Variants in CIB4 observed in about 807,000 individuals in gnomAD.
CIB4 encodes calcium and integrin-binding family member 4.
CIB4 carries 25 observed loss-of-function variants against 25.8 expected under a neutral mutation model. The observed-to-expected ratio is 0.97, with a 90% CI of 0.71 to 1.35. CIB4 has a LOEUF of 1.35. Ranked by LOEUF, CIB4 falls within the 40% of genes most tolerant of loss-of-function variation. The probability of loss-of-function intolerance (pLI) is 0.00; values close to 1 mark genes in which losing one functional copy is unlikely to be tolerated. For synonymous variants in CIB4, 75 were observed against 81.4 expected (o/e 0.92, Z 0.42); for missense variants, 235 against 228.2 (o/e 1.03, Z -0.19).
chr2:26,619,224 C>T (rs1558568704), intron 3 of CIB4, among the ~76,000 whole-genome samples: 1 of 152,106 alleles, frequency 6.6e-6, no homozygotes, highest in Non-Finnish European at 1.5e-5. Flanking sequence ...GTGACATTTC[C>T]CAGGAGTCTC....
Position 26,604,610 on chromosome 2 carries a change from T to C in CIB4, c.187-9293A>G, listed in dbSNP as rs139275440. 7.0e-4 allele frequency among the ~76,000 whole-genome samples: 106 copies of C among 152,296 alleles called. 3 individuals are homozygous for C. The East Asian group carries it at 0.02, about 28-fold the overall frequency. ...AATCTGAAGACAAAATACTCTTTTT[T>C]TCCCCCAGACAAACAAAACCTGGGT... On this transcript the variant is annotated intron_variant, in intron 3 of 6. Transcript: ENST00000288861.
intron 3 of CIB4, among the ~76,000 whole-genome samples, chr2:26,624,216 T>C (rs1277058711): frequency 6.6e-6 from 1 of 152,210 alleles, no homozygotes; most frequent in Non-Finnish European, 1.5e-5. Context: ...GTTATATCAG[T>C]ACCCAGAGCT....
At chr2:26,630,668 G>T (rs542476690) in intron 2 of CIB4, among the ~76,000 whole-genome samples, 1 of 152,274 alleles carries the variant, frequency 6.6e-6, no homozygotes, top group East Asian at 1.9e-4. Flanking sequence ...GTCGAGCAAG[G>T]TTCTGAATCC....
At chr2:26,595,715 T>A (rs1197412825) in intron 3 of CIB4, among the ~76,000 whole-genome samples, 14 of 152,248 alleles carry the variant, frequency 9.2e-5, no homozygotes, top group Non-Finnish European at 4.4e-5. Flanking sequence ...TGTCCTGTGC[T>A]CAGGCGGGTG....
At chr2:26,604,604 CT>C (rs35435991) in intron 3 of CIB4, among the ~76,000 whole-genome samples, 7 of 152,080 alleles carry the variant, frequency 4.6e-5, no homozygotes, top group African/African-American at 1.2e-4. Flanking sequence ...ACAAAATACT[CT>C]TTTTTTCCCC....
At chr2:26,624,027 T>C (rs539460605) in intron 3 of CIB4, among the ~76,000 whole-genome samples, 6 of 152,382 alleles carry the variant, frequency 3.9e-5, no homozygotes, top group Middle Eastern at 6.8e-3. Context: ...CACTGTGTCC[T>C]GTCCCCGTGC....
Position 26,628,918 on chromosome 2 carries a change from G to A in CIB4, c.186+492C>T, listed in dbSNP as rs191741106. Among the ~76,000 whole-genome samples the A allele has an allele frequency of 3.3e-5, 5 of 152,312 alleles. No homozygotes were observed. The East Asian group carries it at 9.7e-4, about 29-fold the overall frequency. ...TCCTGGCCTAGGGTCACTTGCCCTAGTTTGGGGCACAACAGACAGCAGAGG... is the reference window on the plus strand; with the variant it reads ...TCCTGGCCTAGGGTCACTTGCCCTAATTTGGGGCACAACAGACAGCAGAGG... On this transcript the variant is annotated intron_variant, in intron 3 of 6. Coordinates refer to ENST00000288861, the MANE Select transcript of CIB4 (RefSeq NM_001029881.3).
chr2:26,589,030 T>TTCTTCCTCTTCC (rs1668516112), intron 4 of CIB4, among the ~76,000 whole-genome samples: 1 of 37,720 alleles, frequency 2.7e-5, no homozygotes, highest in African/African-American at 1.1e-4. Context: ...CTTCTTCTTC[T>TTCTTCCTCTTCC]TCTTCTTCTT....
At chr2:26,640,090 C>T (rs1297438157) in intron 2 of CIB4, among the ~76,000 whole-genome samples, 2 of 114,526 alleles carry the variant, frequency 1.7e-5, no homozygotes, top group African/African-American at 3.4e-5. Flanking sequence ...TCACAGGCAC[C>T]GGAGAAAGGG....
At chr2:26,628,492 G>A (rs1318546835) in intron 3 of CIB4, among the ~76,000 whole-genome samples, 1 of 152,218 alleles carries the variant, frequency 6.6e-6, no homozygotes. Context: ...TGTGTTCTAG[G>A]TGGTTGGAAG....
At chr2:26,600,994 G>A (rs1447514286) in intron 3 of CIB4, among the ~76,000 whole-genome samples, 4 of 152,036 alleles carry the variant, frequency 2.6e-5, no homozygotes, top group East Asian at 3.9e-4. Context: ...GCTAAAGGGT[G>A]AGGATTGCTT....
chr2:26,601,198 T>G (rs1668776055), intron 3 of CIB4, among the ~76,000 whole-genome samples: 1 of 130,698 alleles, frequency 7.7e-6, no homozygotes. Context: ...CCAGCCTGAG[T>G]GACAGAGTGA....
intron 2 of CIB4, among the ~76,000 whole-genome samples, chr2:26,638,209 G>A (rs973672596): frequency 7.2e-5 from 11 of 152,172 alleles, no homozygotes; most frequent in African/African-American, 2.7e-4. Flanking sequence ...TTCCCTGGCA[G>A]CACTCACAGG....
At chr2:26,607,562 C>T (rs943963623) in intron 3 of CIB4, among the ~76,000 whole-genome samples, 6 of 152,208 alleles carry the variant, frequency 3.9e-5, no homozygotes, top group Admixed American at 2.6e-4. Context: ...CTCCATTTCC[C>T]CATCTGTAAA....
At chr2:26,632,773 G>A (rs112578971) in intron 2 of CIB4, among the ~76,000 whole-genome samples, 1,923 of 132,346 alleles carry the variant, frequency 0.015, 68 homozygotes, top group African/African-American at 0.066. Context: ...AAAAAAAAAA[G>A]AAAAAGAAAG....
At chr2:26,590,546 C>T (rs903534740) in intron 4 of CIB4, among the ~76,000 whole-genome samples, 2 of 152,134 alleles carry the variant, frequency 1.3e-5, no homozygotes, top group African/African-American at 2.4e-5. Context: ...TTACCATGCC[C>T]GCCTTCTCCT....
rs369275445 is a variant in CIB4, at chr2:26,640,490, G to A, written c.89+43C>T. 7 of 1,599,642 alleles carry A rather than the reference G, an allele frequency of 4.4e-6. No homozygotes were observed. The African/African-American group carries it at 8.0e-5, about 18-fold the overall frequency. On this transcript the variant is annotated intron_variant, in intron 2 of 6. Coordinates refer to ENST00000288861, the MANE Select transcript of CIB4 (RefSeq NM_001029881.3). ...ATTAGGGCAAGAATCCAGCTCAGAGGGAGGAGCTGGGAGAAGGAAAGAGGG... is the reference window on the plus strand; with the variant it reads ...ATTAGGGCAAGAATCCAGCTCAGAGAGAGGAGCTGGGAGAAGGAAAGAGGG...
At chr2:26,634,449 T>C (rs558175247) in intron 2 of CIB4, among the ~76,000 whole-genome samples, 26 of 152,364 alleles carry the variant, frequency 1.7e-4, no homozygotes, top group African/African-American at 6.0e-4. Context: ...AATACCATGA[T>C]AGTAACAGCA....
At chr2:26,588,678 C>T (rs1200119953) in intron 4 of CIB4, among the ~76,000 whole-genome samples, 1 of 152,234 alleles carries the variant, frequency 6.6e-6, no homozygotes, top group African/African-American at 2.4e-5. Context: ...TGCCTCTCCC[C>T]AGCCACCTGC....
Sources: allele counts gnomAD v4.1 joint callset (sites outside exome capture counted in the v4.1 genomes callset), GRCh38; gene constraint gnomAD v4.1.1; transcripts MANE v1.5; gene names NCBI Gene and HGNC (gene_info 2026-07-23, HGNC 2026-07-21).